Variants in BCL2L1 observed in about 807,000 individuals in gnomAD.
BCL2L1 encodes the protein bcl-2-like protein 1.
Under a neutral mutation model 18.7 loss-of-function variants are expected in BCL2L1, and 1 was observed. That is an observed-to-expected ratio of 0.05 (90% confidence interval 0.02 to 0.25). BCL2L1 has a LOEUF of 0.25. Among genes scored for constraint, BCL2L1 ranks in the 10% least tolerant of loss-of-function variants. BCL2L1 has a pLI of 1.00. For synonymous variants in BCL2L1, 103 were observed against 122.7 expected (o/e 0.84, Z 1.06); for missense variants, 207 against 304.9 (o/e 0.68, Z 2.39).
chr20:31,722,497 C>T (rs537684701), intron 1 of BCL2L1, 121 bp downstream of exon 1: 1 of 288,536 alleles, frequency 3.5e-6, no homozygotes, highest in South Asian at 1.5e-4. Flanking sequence ...TCGAAAGCAC[C>T]AGTGGACTCT....
intron 2 of BCL2L1, among the ~76,000 whole-genome samples, chr20:31,697,761 G>T (rs181170555): frequency 1.3e-5 from 2 of 151,958 alleles, no homozygotes; most frequent in Non-Finnish European, 1.5e-5. Flanking sequence ...ACCTCTCAAA[G>T]TCTCAGTTTT....
chr20:31,717,425 C>A (rs1478071938), intron 2 of BCL2L1, among the ~76,000 whole-genome samples: 2 of 152,146 alleles, frequency 1.3e-5, no homozygotes, highest in Non-Finnish European at 2.9e-5. Context: ...TCGACAGAAG[C>A]TAAAGGGCTC....
chr20:31,699,946 G>A (rs935420360), intron 2 of BCL2L1, among the ~76,000 whole-genome samples: 2 of 152,068 alleles, frequency 1.3e-5, no homozygotes, highest in East Asian at 3.9e-4. Flanking sequence ...AACACAAAAG[G>A]AAACAAAGGT....
At chr20:31,667,526 G>A (rs989857127) in intron 2 of BCL2L1, among the ~76,000 whole-genome samples, 7 of 87,076 alleles carry the variant, frequency 8.0e-5, no homozygotes, top group African/African-American at 6.1e-4. Context: ...AAATGAATGA[G>A]TTACTGGCTG....
At chr20:31,702,099 A>G (rs1005774942) in intron 2 of BCL2L1, among the ~76,000 whole-genome samples, 6 of 152,250 alleles carry the variant, frequency 3.9e-5, no homozygotes, top group Non-Finnish European at 8.8e-5. Flanking sequence ...AAGGTCAAGG[A>G]AAGTCTCTCA....
At chr20:31,695,148 G>A (rs946331966) in intron 2 of BCL2L1, among the ~76,000 whole-genome samples, 8 of 152,084 alleles carry the variant, frequency 5.3e-5, no homozygotes, top group African/African-American at 1.9e-4. Context: ...ACCACTGCTC[G>A]CCACTTCCAC....
chr20:31,721,516 T>G, intron 2 of BCL2L1, 139 bp downstream of exon 2: 2 of 1,013,912 alleles, frequency 2.0e-6, no homozygotes, highest in Non-Finnish European at 2.8e-6. Context: ...TGTGGTGAAA[T>G]GAGGCCAGTC....
At chr20:31,682,730 T>C (rs763542544) in intron 2 of BCL2L1, among the ~76,000 whole-genome samples, 1 of 152,174 alleles carries the variant, frequency 6.6e-6, no homozygotes, top group Non-Finnish European at 1.5e-5. Flanking sequence ...GCTGGGATTA[T>C]AGCTGTGAGC....
chr20:31,683,539 C>A (rs2060899353), intron 2 of BCL2L1, among the ~76,000 whole-genome samples: 1 of 152,088 alleles, frequency 6.6e-6, no homozygotes, highest in Admixed American at 6.5e-5. Flanking sequence ...GAGAACGAGG[C>A]AGGTGGATCA....
At chr20:31,681,883 G>A (rs1301183891) in intron 2 of BCL2L1, among the ~76,000 whole-genome samples, 2 of 152,000 alleles carry the variant, frequency 1.3e-5, no homozygotes, top group Non-Finnish European at 2.9e-5. Flanking sequence ...GCCTCAAAGT[G>A]TGGATGGCAA....
chr20:31,672,585 G>C (rs994725217), intron 2 of BCL2L1, among the ~76,000 whole-genome samples: 1 of 152,186 alleles, frequency 6.6e-6, no homozygotes, highest in African/African-American at 2.4e-5. Context: ...CCAACAGTCT[G>C]GGGGCTCAGT....
intron 2 of BCL2L1, among the ~76,000 whole-genome samples, chr20:31,689,967 G>C (rs1197716860): frequency 1.3e-5 from 2 of 152,214 alleles, no homozygotes; most frequent in African/African-American, 2.4e-5. Context: ...CGGTGAGCTG[G>C]AGATCGCGCT....
At chr20:31,703,492 TG>T (rs2061317452) in intron 2 of BCL2L1, among the ~76,000 whole-genome samples, 1 of 136,166 alleles carries the variant, frequency 7.3e-6, no homozygotes, top group African/African-American at 3.2e-5. Flanking sequence ...ACTTGGTGGT[TG>T]TTTTTTTTTT....
At chr20:31,681,259 G>A (rs1320226882) in intron 2 of BCL2L1, among the ~76,000 whole-genome samples, 2 of 152,094 alleles carry the variant, frequency 1.3e-5, no homozygotes, top group African/African-American at 4.8e-5. Flanking sequence ...GATCTCCAGG[G>A]GTCTGGTGAG....
upstream of BCL2L1, chr20:31,723,426 G>A (rs2061668312): frequency 1.0e-6 from 1 of 985,434 alleles, no homozygotes; most frequent in Non-Finnish European, 1.2e-6. Flanking sequence ...GGCCCAAAGT[G>A]GCTTTCTGGC....
At chr20:31,688,547 G>A (rs779644621) in intron 2 of BCL2L1, among the ~76,000 whole-genome samples, 2 of 152,134 alleles carry the variant, frequency 1.3e-5, no homozygotes, top group Non-Finnish European at 2.9e-5. Context: ...GTGGAAGGGT[G>A]TTAAGAAAAA....
At chr20:31,713,926 T>C (rs1307547921) in intron 2 of BCL2L1, among the ~76,000 whole-genome samples, 1 of 152,216 alleles carries the variant, frequency 6.6e-6, no homozygotes, top group Non-Finnish European at 1.5e-5. Context: ...CTCACCTGAT[T>C]TCTCTCCTTT....
At chr20:31,700,699 C>T (rs1214795505) in intron 2 of BCL2L1, among the ~76,000 whole-genome samples, 1 of 152,182 alleles carries the variant, frequency 6.6e-6, no homozygotes, top group Non-Finnish European at 1.5e-5. Context: ...CTGTGAAGTC[C>T]TTCCCTCATT....
At position 31,722,111 on chromosome 20, in the gene BCL2L1, C is replaced by T. The variant is rs772005799; in HGVS notation, c.108G>A (p.Glu36=). 2.5e-6 allele frequency: 4 copies of T among 1,572,538 alleles called. No homozygotes were observed. The highest frequency in any genetic ancestry group is 2.2e-5 in the East Asian group (1 of 44,666). Residue 36 remains glutamate, a synonymous_variant, in exon 2 of 3, where the codon GAG becomes GAA. Coordinates refer to ENST00000307677, the MANE Select transcript of BCL2L1 (RefSeq NM_138578.3). ...TCTCCGATTCAGTCCCTTCTGGGGC[C>T]TCAGTCCTGTTCTCTTCCACATCAC... ...QFSDVEENRT[E]APEGTESEME...
Sources: gnomAD v4.1 joint callset for allele counts (sites outside exome capture counted in the v4.1 genomes callset) on GRCh38, gnomAD v4.1.1 for gene constraint, MANE v1.5 for transcripts, NCBI Gene and HGNC (gene_info 2026-07-23, HGNC 2026-07-21) for gene names.